Variants in LRRTM4 observed in about 807,000 individuals in gnomAD.
LRRTM4 encodes the protein leucine rich repeat transmembrane neuronal 4, also known as leucine-rich repeat transmembrane neuronal protein 4.
A neutral mutation model predicts 47.6 loss-of-function variants in LRRTM4; 25 were observed. That is an observed-to-expected ratio of 0.53 (90% CI 0.38 to 0.73). The LOEUF (loss-of-function observed/expected upper bound fraction) is 0.73, where lower values mean the gene tolerates loss of function less well. LRRTM4 is among the 30% of genes least tolerant of loss of function. The pLI is 0.00. For missense variants in LRRTM4, 638 were observed against 713.4 expected (o/e 0.89, Z 1.20); for synonymous variants, 311 against 269.5 (o/e 1.15, Z -1.51).
At chr2:77,375,634 CT>C (rs1274728396) in intron 3 of LRRTM4, among the ~76,000 whole-genome samples, 2 of 151,734 alleles carry the variant, frequency 1.3e-5, no homozygotes, top group African/African-American at 2.4e-5. Context: ...ATTCTATTCT[CT>C]GCTTCCATGA....
chr2:77,167,675 C>T (rs968606356), intron 3 of LRRTM4, among the ~76,000 whole-genome samples: 7 of 152,064 alleles, frequency 4.6e-5, no homozygotes, highest in Admixed American at 6.6e-5. Flanking sequence ...AGCTGGAAAC[C>T]GTCATTCTGA....
chr2:76,927,266 T>A (rs1197531565), intron 3 of LRRTM4, among the ~76,000 whole-genome samples: 2 of 152,130 alleles, frequency 1.3e-5, no homozygotes, highest in African/African-American at 2.4e-5. Flanking sequence ...TGTATCCACA[T>A]TGATGATTTG....
chr2:77,016,663 C>T (rs901448336), intron 3 of LRRTM4, among the ~76,000 whole-genome samples: 2 of 152,202 alleles, frequency 1.3e-5, no homozygotes, highest in East Asian at 3.9e-4. Context: ...CCTGAAAATG[C>T]AAATAAACTT....
At chr2:77,377,691 C>A (rs1452514659) in intron 3 of LRRTM4, among the ~76,000 whole-genome samples, 2 of 152,106 alleles carry the variant, frequency 1.3e-5, no homozygotes, top group Middle Eastern at 3.4e-3. Flanking sequence ...TACAGAGGTA[C>A]TGAATATTAT....
chr2:76,765,960 G>A (rs923693854), intron 3 of LRRTM4, among the ~76,000 whole-genome samples: 7 of 152,180 alleles, frequency 4.6e-5, no homozygotes, highest in Admixed American at 6.5e-5. Context: ...AAAGAGAGAT[G>A]AGTGAAATTC....
intron 3 of LRRTM4, among the ~76,000 whole-genome samples, chr2:77,350,738 T>A (rs1044770014): frequency 2.6e-5 from 4 of 151,892 alleles, no homozygotes; most frequent in Non-Finnish European, 5.9e-5. Flanking sequence ...AAAGGAAAAA[T>A]AATAAATGAT....
chr2:77,295,267 G>T (rs1676938338), intron 3 of LRRTM4, among the ~76,000 whole-genome samples: 1 of 151,946 alleles, frequency 6.6e-6, no homozygotes, highest in East Asian at 1.9e-4. Context: ...GGATACAGTA[G>T]GTTTTTGTCT....
intron 3 of LRRTM4, among the ~76,000 whole-genome samples, chr2:76,917,864 C>T (rs761662170): frequency 1.3e-5 from 2 of 152,084 alleles, no homozygotes; most frequent in Non-Finnish European, 2.9e-5. Context: ...CTCTATTTTT[C>T]ACTCTGTCTT....
intron 3 of LRRTM4, among the ~76,000 whole-genome samples, chr2:77,029,059 ATATATATATATAATATATATATAT>A (rs1385401498): frequency 6.9e-6 from 1 of 145,068 alleles, no homozygotes; most frequent in Non-Finnish European, 1.5e-5. Flanking sequence ...ACAAATATAT[ATATATATATATAATATATATATAT>A]TATATATATA....
At chr2:77,268,352 A>AT (rs1676107043) in intron 3 of LRRTM4, among the ~76,000 whole-genome samples, 2 of 152,062 alleles carry the variant, frequency 1.3e-5, no homozygotes, top group Admixed American at 6.6e-5. Context: ...ATTCTTAGTC[A>AT]TTTTTTGGCC....
intron 3 of LRRTM4, among the ~76,000 whole-genome samples, chr2:77,394,222 T>G (rs1229608522): frequency 6.6e-6 from 1 of 151,924 alleles, no homozygotes; most frequent in African/African-American, 2.4e-5. Context: ...ATTTAAAAAT[T>G]TAATGTACTT....
chr2:77,472,518 CT>C (rs553677902), intron 3 of LRRTM4, among the ~76,000 whole-genome samples: 1,903 of 146,826 alleles, frequency 0.013, 42 homozygotes, highest in African/African-American at 0.042. Context: ...TGTGTGTGTT[CT>C]TTTTTTTTTT....
At chr2:76,846,077 C>A (rs1671829991) in intron 3 of LRRTM4, among the ~76,000 whole-genome samples, 1 of 152,002 alleles carries the variant, frequency 6.6e-6, no homozygotes, top group Non-Finnish European at 1.5e-5. Flanking sequence ...TCAGTGGGGT[C>A]AAGTTTGGGA....
intron 3 of LRRTM4, among the ~76,000 whole-genome samples, chr2:76,828,253 C>A (rs923454706): frequency 6.6e-6 from 1 of 151,866 alleles, no homozygotes; most frequent in South Asian, 2.1e-4. Context: ...GCTGCTTCCT[C>A]CAAAATTGCA....
intron 3 of LRRTM4, among the ~76,000 whole-genome samples, chr2:76,978,833 C>G (rs1030268733): frequency 1.3e-5 from 2 of 151,950 alleles, no homozygotes; most frequent in African/African-American, 4.8e-5. Context: ...GGAGGTGATG[C>G]AGAACAATGC....
At chr2:77,491,914 G>A (rs1172058735) in intron 3 of LRRTM4, among the ~76,000 whole-genome samples, 1 of 151,886 alleles carries the variant, frequency 6.6e-6, no homozygotes, top group African/African-American at 2.4e-5. Flanking sequence ...TAATAAAGAT[G>A]AGGCAAGGCT....
At chr2:77,313,172 C>A (rs896779090) in intron 3 of LRRTM4, among the ~76,000 whole-genome samples, 1 of 151,874 alleles carries the variant, frequency 6.6e-6, no homozygotes, top group Non-Finnish European at 1.5e-5. Flanking sequence ...TGACGTGCCT[C>A]CCTATTTTTT....
At chr2:77,061,650 T>C (rs1158718255) in intron 3 of LRRTM4, among the ~76,000 whole-genome samples, 2 of 152,192 alleles carry the variant, frequency 1.3e-5, no homozygotes, top group Non-Finnish European at 2.9e-5. Context: ...AAATATCATG[T>C]TCATATATAC....
intron 3 of LRRTM4, among the ~76,000 whole-genome samples, chr2:77,433,687 T>C (rs17751162): frequency 0.33 from 50,534 of 152,002 alleles, 8,522 homozygotes; most frequent in South Asian, 0.39. Context: ...ATAGCAGACA[T>C]TGAAAAACCA....
Sources: allele counts gnomAD v4.1 joint callset (sites outside exome capture counted in the v4.1 genomes callset), GRCh38; gene constraint gnomAD v4.1.1; transcripts MANE v1.5; gene names NCBI Gene and HGNC (gene_info 2026-07-23, HGNC 2026-07-21).